Variants in ALOX5AP observed in about 807,000 individuals in gnomAD.
ALOX5AP encodes arachidonate 5-lipoxygenase-activating protein.
In ALOX5AP, 9 loss-of-function variants were observed where a neutral mutation model predicts 18.5. That is an observed-to-expected ratio of 0.49 (90% CI 0.29 to 0.85). ALOX5AP has a LOEUF of 0.85. ALOX5AP is among the 40% of genes least tolerant of loss of function. ALOX5AP has a pLI of 0.08. For missense variants in ALOX5AP, 172 were observed against 202.5 expected (o/e 0.85, Z 0.91); for synonymous variants, 81 against 78.6 (o/e 1.03, Z -0.16).
chr13:30,749,621 T>G (rs1341119095), intron 2 of ALOX5AP, among the ~76,000 whole-genome samples: 1 of 152,176 alleles, frequency 6.6e-6, no homozygotes, highest in African/African-American at 2.4e-5. Context: ...AGTGATAAAT[T>G]TGTAGGGGCC....
At chr13:30,754,512 G>C (rs1016531429) in intron 3 of ALOX5AP, among the ~76,000 whole-genome samples, 1 of 152,000 alleles carries the variant, frequency 6.6e-6, no homozygotes, top group African/African-American at 2.4e-5. Flanking sequence ...CTGACACAGT[G>C]CTTGGCATAT....
At chr13:30,756,211 C>G (rs994821578) in intron 4 of ALOX5AP, among the ~76,000 whole-genome samples, 186 bp downstream of exon 4, 6 of 152,202 alleles carry the variant, frequency 3.9e-5, no homozygotes, top group Non-Finnish European at 5.9e-5. Flanking sequence ...GAAAATACAG[C>G]TGGGGGGACT....
At chr13:30,718,337 G>C (rs992566837) in intron 1 of ALOX5AP, among the ~76,000 whole-genome samples, 14 of 150,412 alleles carry the variant, frequency 9.3e-5, no homozygotes, top group Admixed American at 1.3e-4. Context: ...AGGGCTATGG[G>C]AGTTATGAGC....
intron 4 of ALOX5AP, among the ~76,000 whole-genome samples, chr13:30,762,680 C>T (rs1951951872): frequency 6.6e-6 from 1 of 151,996 alleles, no homozygotes; most frequent in South Asian, 2.1e-4. Flanking sequence ...TAATATTAAA[C>T]CTGTGGATGC....
upstream of ALOX5AP, among the ~76,000 whole-genome samples, chr13:30,734,500 T>C (rs1951705477): frequency 6.6e-6 from 1 of 152,182 alleles, no homozygotes; most frequent in African/African-American, 2.4e-5. Context: ...AGATTGCAGG[T>C]ATTTTGCATT....
intron 2 of ALOX5AP, among the ~76,000 whole-genome samples, chr13:30,746,679 G>T (rs1378086542): frequency 6.6e-6 from 1 of 152,208 alleles, no homozygotes; most frequent in Non-Finnish European, 1.5e-5. Flanking sequence ...CACTGAAAAG[G>T]GTTGCAAGAT....
intron 2 of ALOX5AP, among the ~76,000 whole-genome samples, chr13:30,747,450 G>A (rs1319521259): frequency 6.6e-6 from 1 of 152,212 alleles, no homozygotes; most frequent in East Asian, 1.9e-4. Flanking sequence ...TGGAATTACA[G>A]GTGTGAGCCA....
intron 4 of ALOX5AP, among the ~76,000 whole-genome samples, chr13:30,756,474 G>T (rs886630318): frequency 1.3e-5 from 2 of 152,186 alleles, no homozygotes; most frequent in African/African-American, 4.8e-5. Flanking sequence ...ATCTTTCAGG[G>T]ACCAGAAGAA....
intron 1 of ALOX5AP, among the ~76,000 whole-genome samples, chr13:30,726,831 G>GA (rs1298972300): frequency 6.6e-6 from 1 of 151,912 alleles, no homozygotes; most frequent in Non-Finnish European, 1.5e-5. Context: ...ATACCCAGCT[G>GA]ACCAGTTTTT....
intron 1 of ALOX5AP, among the ~76,000 whole-genome samples, chr13:30,719,085 A>G (rs1221936410): frequency 6.6e-6 from 1 of 152,200 alleles, no homozygotes; most frequent in Non-Finnish European, 1.5e-5. Flanking sequence ...ACCGGGTCTG[A>G]GTCCTGTCTC....
At chr13:30,714,792 T>G (rs918641374) in intron 1 of ALOX5AP, among the ~76,000 whole-genome samples, 9 of 152,220 alleles carry the variant, frequency 5.9e-5, no homozygotes, top group African/African-American at 1.7e-4. Flanking sequence ...GGGCACTTGT[T>G]GAATGACTTT....
At chr13:30,755,433 G>T (rs1287736781) in intron 3 of ALOX5AP, among the ~76,000 whole-genome samples, 2 of 152,148 alleles carry the variant, frequency 1.3e-5, no homozygotes, top group South Asian at 4.1e-4. Flanking sequence ...CTGAACCCAC[G>T]TTTCCACATC....
At chr13:30,741,674 G>T (rs1448607149) in intron 1 of ALOX5AP, among the ~76,000 whole-genome samples, 1 of 151,560 alleles carries the variant, frequency 6.6e-6, no homozygotes, top group Non-Finnish European at 1.5e-5. Context: ...CTCCCAAAGT[G>T]ATGGGATTAT....
At chr13:30,758,595 C>A (rs536693124) in intron 4 of ALOX5AP, among the ~76,000 whole-genome samples, 1 of 152,134 alleles carries the variant, frequency 6.6e-6, no homozygotes, top group Non-Finnish European at 1.5e-5. Context: ...GGCTGCCCTG[C>A]GAGGATTTTG....
intron 1 of ALOX5AP, among the ~76,000 whole-genome samples, chr13:30,716,219 C>T (rs530465940): frequency 6.6e-6 from 1 of 152,198 alleles, no homozygotes; most frequent in Admixed American, 6.5e-5. Context: ...ACAGCTTTAC[C>T]TGGCTCCATG....
chr13:30,762,917 A>G (rs2137835564), intron 4 of ALOX5AP, among the ~76,000 whole-genome samples: 1 of 152,366 alleles, frequency 6.6e-6, no homozygotes, highest in Admixed American at 6.5e-5. Flanking sequence ...GAGGGAGGGC[A>G]GAAACAGGGT....
chr13:30,747,717 A>T (rs1401742475), intron 2 of ALOX5AP, among the ~76,000 whole-genome samples: 1 of 152,176 alleles, frequency 6.6e-6, no homozygotes, highest in Admixed American at 6.5e-5. Flanking sequence ...CAAGTTCTTT[A>T]TAGACAGACT....
At chr13:30,723,705 A>G (rs1459391604) in intron 1 of ALOX5AP, among the ~76,000 whole-genome samples, 3 of 152,220 alleles carry the variant, frequency 2.0e-5, no homozygotes, top group African/African-American at 7.2e-5. Flanking sequence ...GTTTCTATGA[A>G]ACTCATTTTA....
upstream of ALOX5AP, among the ~76,000 whole-genome samples, chr13:30,731,107 G>A (rs1448331497): frequency 2.0e-5 from 3 of 152,116 alleles, no homozygotes; most frequent in Admixed American, 2.0e-4. Context: ...CAGATGTCGT[G>A]GGGATATGTT....
Sources: allele counts gnomAD v4.1 joint callset (sites outside exome capture counted in the v4.1 genomes callset), GRCh38; gene constraint gnomAD v4.1.1; transcripts MANE v1.5; gene names NCBI Gene and HGNC (gene_info 2026-07-23, HGNC 2026-07-21).